Variants in JMJD1C observed in about 807,000 individuals in gnomAD.
The protein encoded by JMJD1C is jumonji domain containing 1C, also known as jumonji domain-containing protein 1C.
In JMJD1C, 31 loss-of-function variants were observed where a neutral mutation model predicts 245.3. The observed-to-expected ratio is 0.13, with a 90% CI of 0.09 to 0.17. The LOEUF (loss-of-function observed/expected upper bound fraction) is 0.17. JMJD1C is among the 10% of genes least tolerant of loss of function. The pLI, the probability that JMJD1C is intolerant of heterozygous loss-of-function variation, is 1.00. For missense variants in JMJD1C, 2,691 were observed against 3,000.2 expected, an observed-to-expected ratio of 0.90 and a Z score of 2.41; for synonymous variants, 1,057 against 1,017.4, an observed-to-expected ratio of 1.04 and a Z score of -0.74.
Position 63,200,541 on chromosome 10 carries a change from A to G in JMJD1C, c.5211T>C (p.Ile1737=), listed in dbSNP as rs773956806. Residue 1737 remains isoleucine (I), a synonymous_variant, in exon 11 of 26, where the codon ATT becomes ATC. Transcript: ENST00000399262. ...NLQKCRECRL[I]RSKKGEEPAH... is the part of the protein sequence containing the mutation. ...CTGGTTCTTCTCCTTTTTTACTGCG[A>G]ATAAGTCTACATTCTCGACACTTTT... 1.9e-6 allele frequency: 3 copies of G among 1,614,016 alleles called. No individual in the cohort carries two copies. The highest frequency in any genetic ancestry group is 2.5e-6 in the Non-Finnish European group (3 of 1,179,926).
At chr10:63,513,256 T>C (rs548845324) in intron 1 of JMJD1C, among the ~76,000 whole-genome samples, 1 of 152,226 alleles carries the variant, frequency 6.6e-6, no homozygotes, top group East Asian at 1.9e-4. Flanking sequence ...GCCAAGCCAT[T>C]TGCAGGAGAA....
intron 1 of JMJD1C, among the ~76,000 whole-genome samples, chr10:63,415,557 A>C (rs1949750460): frequency 6.6e-6 from 1 of 152,228 alleles, no homozygotes; most frequent in African/African-American, 2.4e-5. Context: ...AACTACTGAT[A>C]CTGAACATGA....
chr10:63,316,540 T>C (rs143085951), intron 2 of JMJD1C, among the ~76,000 whole-genome samples: 2 of 152,194 alleles, frequency 1.3e-5, no homozygotes, highest in East Asian at 3.9e-4. Flanking sequence ...TTCCGCCTCC[T>C]GTGTTCAAGC....
chr10:63,291,004 C>G (rs1309706577), intron 2 of JMJD1C, among the ~76,000 whole-genome samples: 1 of 152,010 alleles, frequency 6.6e-6, no homozygotes, highest in Non-Finnish European at 1.5e-5. Context: ...TACTTTGTTT[C>G]TTTTTAAGAA....
At chr10:63,353,444 C>CG (rs1944530186) in intron 2 of JMJD1C, among the ~76,000 whole-genome samples, 1 of 152,136 alleles carries the variant, frequency 6.6e-6, no homozygotes, top group Non-Finnish European at 1.5e-5. Context: ...GCAGGTGAAA[C>CG]GGTAGATTTT....
chr10:63,169,698 C>T (rs1161846022), intron 24 of JMJD1C, among the ~76,000 whole-genome samples: 2 of 152,164 alleles, frequency 1.3e-5, no homozygotes, highest in South Asian at 4.1e-4. Context: ...GTAAAGTAAA[C>T]ATTCTCTTTC....
intron 3 of JMJD1C, among the ~76,000 whole-genome samples, chr10:63,241,084 C>T (rs1305565063): frequency 2.0e-5 from 3 of 152,084 alleles, no homozygotes; most frequent in East Asian, 1.9e-4. Context: ...GAATGAGACT[C>T]GACTATAGAG....
At chr10:63,436,887 C>G (rs1951085997) in intron 1 of JMJD1C, among the ~76,000 whole-genome samples, 5 of 152,196 alleles carry the variant, frequency 3.3e-5, no homozygotes, top group Admixed American at 3.3e-4. Flanking sequence ...GCATCTTTCT[C>G]TCTCTCATGC....
rs2133140182 is a variant in JMJD1C at position 63,206,641 on chromosome 10, C to T, written c.5028G>A (p.Arg1676=). ...EDLKPNGVLS[R]SAKERSKLKL... is the part of the protein sequence containing the mutation. ...TCAGTTTACTTCTTTCTTTGGCACTCCTGCTGAGAACTCCATTGGGTTTCA... is the reference window on the plus strand; with the variant it reads ...TCAGTTTACTTCTTTCTTTGGCACTTCTGCTGAGAACTCCATTGGGTTTCA... The change falls in exon 10 of 26, where the codon AGG becomes AGA. Residue 1676 remains arginine (R), a synonymous_variant. Transcript: ENST00000399262. The T allele has an allele frequency of 2.5e-6, 4 of 1,606,284 alleles. No homozygotes were observed. Among genetic ancestry groups the T allele is most frequent in the East Asian group, 2.2e-5 (1 of 44,804 alleles).
intron 10 of JMJD1C, 30 bp from the exon 11 acceptor site, chr10:63,200,707 G>A: frequency 6.3e-7 from 1 of 1,588,228 alleles, no homozygotes; most frequent in Non-Finnish European, 8.6e-7. Flanking sequence ...GTTTTAGCAA[G>A]ATTATGCTTT....
At chr10:63,390,279 G>C (rs1227916531) in intron 1 of JMJD1C, among the ~76,000 whole-genome samples, 1 of 152,080 alleles carries the variant, frequency 6.6e-6, no homozygotes, top group Non-Finnish European at 1.5e-5. Flanking sequence ...GGAAAACCTT[G>C]AAGAAATGGA....
intron 1 of JMJD1C, among the ~76,000 whole-genome samples, chr10:63,392,395 C>T (rs947575112): frequency 8.6e-5 from 13 of 151,924 alleles, no homozygotes; most frequent in African/African-American, 2.4e-4. Flanking sequence ...CAGTTCTGCA[C>T]GGCAAAGGAA....
chr10:63,209,097 G>T lies in JMJD1C; in HGVS notation c.2833C>A (p.Pro945Thr). Residue 945 changes from proline (P) to threonine (T), a missense_variant, in exon 9 of 26, where the codon CCA becomes ACA. Pro to Thr is a conservative substitution (Grantham distance 38). Around this residue, in one of 9 missense-constraint regions of JMJD1C, gnomAD observed 1,562 missense variants for 1,490.7 expected, o/e 1.05. Transcript: ENST00000399262. ...PLKITAHSSP[P>T]LTKTLVDHHK... ...TGATCTACTAAAGTTTTTGTCAATG[G>T]TGGACTGGAATGGGCTGTAATTTTA... The T allele has an allele frequency of 6.2e-7, 1 of 1,613,602 alleles. No homozygotes were observed.
chr10:63,479,090 A>C (rs1176812220), intron 1 of JMJD1C, among the ~76,000 whole-genome samples: 4 of 152,138 alleles, frequency 2.6e-5, no homozygotes, highest in Non-Finnish European at 5.9e-5. Context: ...TCACTGACCC[A>C]ATTTTCTTTC....
chr10:63,515,248 C>T (rs1348907922), intron 1 of JMJD1C, among the ~76,000 whole-genome samples: 2 of 152,140 alleles, frequency 1.3e-5, no homozygotes, highest in African/African-American at 4.8e-5. Flanking sequence ...CTGCATTTTT[C>T]CCATTCCCCA....
rs1318993788 is a variant in JMJD1C, at chr10:63,192,989, G to A, written c.6025C>T (p.Leu2009=). ...TCTGCAAGATCTGCTAACCAGTGCAGTGGTGACTGGGATTCTGGAGGAGTT... is the reference window on the plus strand; with the variant it reads ...TCTGCAAGATCTGCTAACCAGTGCAATGGTGACTGGGATTCTGGAGGAGTT... ...KLTPPESQSP[L]HWLADLAEQK... is the part of the protein sequence containing the mutation. Residue 2009 remains leucine (L), a synonymous_variant, in exon 16 of 26, where the codon CTG becomes TTG. Transcript: ENST00000399262. 6 of 1,613,986 alleles carry A rather than the reference G, an allele frequency of 3.7e-6. No homozygotes were observed. In the African/African-American group the frequency reaches 6.7e-5, roughly 18 times the overall value.
chr10:63,303,195 G>T (rs1348921193), intron 2 of JMJD1C, among the ~76,000 whole-genome samples: 3 of 152,206 alleles, frequency 2.0e-5, no homozygotes, highest in Admixed American at 2.0e-4. Flanking sequence ...TTGCATCTAA[G>T]ATCTTTCAAC....
intron 11 of JMJD1C, among the ~76,000 whole-genome samples, chr10:63,199,765 G>A (rs1343432553): frequency 5.9e-5 from 9 of 152,094 alleles, no homozygotes; most frequent in African/African-American, 1.9e-4. Context: ...TTATCAACAC[G>A]TATTTTTGGA....
rs1359256562 is a variant in JMJD1C, at chr10:63,465,783, G to C, written c.-121C>G. On this transcript the variant is annotated 5_prime_UTR_variant, in exon 1 of 26. Coordinates refer to ENST00000399262, the MANE Select transcript of JMJD1C (RefSeq NM_032776.3). ...GGGACACAGCAGCGGACCCGAAAGA[G>C]CGCAGACTCGGGACGAACCGGCCGC... 3 of 1,228,602 alleles carry C rather than the reference G, an allele frequency of 2.4e-6. No individual in the cohort carries two copies. In the Admixed American group the frequency reaches 5.9e-5, roughly 24 times the overall value. 76.1% of individuals were successfully genotyped at this position (1,228,602 alleles called of 1,614,324 possible).
Sources: gnomAD v4.1 joint callset for allele counts (sites outside exome capture counted in the v4.1 genomes callset) on GRCh38, gnomAD v4.1.1 for gene constraint, gnomAD v4.1.1 regional missense constraint, MANE v1.5 for transcripts, NCBI Gene and HGNC (gene_info 2026-07-23, HGNC 2026-07-21) for gene names.